ADAMTSL1: variants seen among roughly 807,000 people sequenced by gnomAD.
The protein encoded by ADAMTSL1 is ADAMTS-like protein 1.
In ADAMTSL1, 126 loss-of-function variants were observed where a neutral mutation model predicts 201.8. That is an observed-to-expected ratio of 0.62 (90% confidence interval 0.54 to 0.72). ADAMTSL1 has a LOEUF of 0.72. Ranked by LOEUF, ADAMTSL1 falls within the 30% of genes least tolerant of loss-of-function variation. ADAMTSL1 has a pLI of 0.00. For synonymous variants in ADAMTSL1, 1,121 were observed against 903.4 expected (o/e 1.24, Z -4.32); for missense variants, 2,679 against 2,277.8 (o/e 1.18, Z -3.59).
In ADAMTSL1 at chr9:18,773,594, C is replaced by T. The variant is rs149783001; in HGVS notation, c.2398-2149C>T. Among the ~76,000 whole-genome samples, 1,130 of 152,298 alleles carry T rather than the reference C, an allele frequency of 7.4e-3. 14 individuals are homozygous for T. Among genetic ancestry groups the T allele is most frequent in the South Asian group, 0.041 (200 of 4,822 alleles). On this transcript the variant is annotated intron_variant, in intron 17 of 28. Transcript: ENST00000380548. ...TTGAGTAGGGGTCTCAGATCTCCAA[C>T]GGCTGGGTCTCCTCATCACCTGAGA... is the stretch of plus-strand genomic sequence containing the variant.
intron 1 of ADAMTSL1, among the ~76,000 whole-genome samples, chr9:18,107,898 C>T (rs1412551471): frequency 2.0e-5 from 3 of 152,092 alleles, no homozygotes; most frequent in Non-Finnish European, 2.9e-5. Context: ...TCAGAGCCAC[C>T]GTGCTGAGCC....
chr9:18,846,880 A>G (rs908173031), intron 23 of ADAMTSL1, among the ~76,000 whole-genome samples: 2 of 152,252 alleles, frequency 1.3e-5, no homozygotes, highest in African/African-American at 2.4e-5. Flanking sequence ...CAAAGACATC[A>G]GATTTGGGGG....
chr9:18,433,706 A>T (rs1373968405), intron 2 of ADAMTSL1, among the ~76,000 whole-genome samples: 1 of 152,282 alleles, frequency 6.6e-6, no homozygotes, highest in African/African-American at 2.4e-5. Context: ...TATTCACTCA[A>T]AGCTAATTAA....
chr9:18,133,525 C>T lies in ADAMTSL1; in HGVS notation c.88-30337C>T, dbSNP rs184526147. On this transcript the variant is annotated intron_variant, in intron 1 of 29. Transcript: ENST00000680146. ...AACTAGTGATTTTCAGTCCTGGCTG[C>T]ACATTTAGAACACGTTAAATCAGTA... Among the ~76,000 whole-genome samples, 3 of 152,256 alleles carry T rather than the reference C, an allele frequency of 2.0e-5. No individual in the cohort carries two copies. The East Asian group carries it at 5.8e-4, about 29-fold the overall frequency.
intron 2 of ADAMTSL1, among the ~76,000 whole-genome samples, chr9:18,369,218 G>A (rs10733351): frequency 0.37 from 56,859 of 152,022 alleles, 11,475 homozygotes; most frequent in South Asian, 0.62. Flanking sequence ...TTCTTTAGTT[G>A]AACTCACAAC....
intron 23 of ADAMTSL1, among the ~76,000 whole-genome samples, chr9:18,839,556 G>C (rs1825576667): frequency 6.6e-6 from 1 of 152,122 alleles, no homozygotes; most frequent in Non-Finnish European, 1.5e-5. Context: ...CCCAGTAATG[G>C]GATGGCTGGG....
intron 1 of ADAMTSL1, among the ~76,000 whole-genome samples, chr9:18,085,619 GTATA>G (rs1823730472): frequency 7.0e-6 from 1 of 143,790 alleles, no homozygotes; most frequent in South Asian, 2.2e-4. Context: ...GTGTGTATAC[GTATA>G]TACACTGTGT....
intron 2 of ADAMTSL1, among the ~76,000 whole-genome samples, chr9:18,207,856 G>C (rs557908791): frequency 6.6e-6 from 1 of 151,942 alleles, no homozygotes; most frequent in East Asian, 2.0e-4. Context: ...TTAGTCCTAA[G>C]AGGATATAAA....
At chr9:18,138,891 C>T (rs962296083) in intron 1 of ADAMTSL1, among the ~76,000 whole-genome samples, 1 of 151,926 alleles carries the variant, frequency 6.6e-6, no homozygotes, top group African/African-American at 2.4e-5. Context: ...TCTTGCATGC[C>T]CTCATGAGTT....
chr9:18,120,904 C>T (rs1825467503), intron 1 of ADAMTSL1, among the ~76,000 whole-genome samples: 2 of 152,244 alleles, frequency 1.3e-5, no homozygotes, highest in East Asian at 1.9e-4. Context: ...ATCTCTCTAT[C>T]CACTCCCTTC....
At chr9:18,701,736 G>T (rs1372738557) in intron 13 of ADAMTSL1, among the ~76,000 whole-genome samples, 1 of 152,030 alleles carries the variant, frequency 6.6e-6, no homozygotes, top group Admixed American at 6.5e-5. Flanking sequence ...GTTTCAATTT[G>T]CATTTTTAAA....
At chr9:18,074,313 G>A (rs10738496) in intron 1 of ADAMTSL1, among the ~76,000 whole-genome samples, 85,562 of 151,914 alleles carry the variant, frequency 0.56, 24,242 homozygotes, top group Non-Finnish European at 0.59. Flanking sequence ...TCTGTATGCT[G>A]CCAAAAGATG....
intron 2 of ADAMTSL1, among the ~76,000 whole-genome samples, chr9:18,206,992 C>A (rs1358656305): frequency 6.6e-6 from 1 of 151,944 alleles, no homozygotes; most frequent in Non-Finnish European, 1.5e-5. Flanking sequence ...TGGTGAAACC[C>A]CGTCTCTACT....
chr9:18,281,483 A>G (rs943734059), intron 2 of ADAMTSL1, among the ~76,000 whole-genome samples: 1 of 152,190 alleles, frequency 6.6e-6, no homozygotes, highest in Admixed American at 6.5e-5. Context: ...GGTACAGTCT[A>G]GGACTCTAGC....
intron 23 of ADAMTSL1, among the ~76,000 whole-genome samples, chr9:18,866,719 G>C (rs1482624428): frequency 6.6e-6 from 1 of 152,172 alleles, no homozygotes; most frequent in Non-Finnish European, 1.5e-5. Flanking sequence ...TATACATTCA[G>C]CAACTTTTAA....
intron 2 of ADAMTSL1, among the ~76,000 whole-genome samples, chr9:18,425,612 C>T (rs1352110066): frequency 1.3e-5 from 2 of 151,940 alleles, no homozygotes; most frequent in African/African-American, 4.8e-5. Flanking sequence ...CTACTCTGCT[C>T]AGGAGGCTGA....
chr9:18,846,231 G>A (rs7869531), intron 23 of ADAMTSL1, among the ~76,000 whole-genome samples: 15,037 of 152,142 alleles, frequency 0.099, 1,005 homozygotes, highest in East Asian at 0.29. Context: ...ATTCCAGTGG[G>A]GGCACTTAGA....
At chr9:18,866,310 C>T (rs1827538971) in intron 23 of ADAMTSL1, among the ~76,000 whole-genome samples, 1 of 152,014 alleles carries the variant, frequency 6.6e-6, no homozygotes, top group Non-Finnish European at 1.5e-5. Context: ...CCATAGAGAG[C>T]ACTGTGTACA....
chr9:18,412,799 A>C (rs1160578098), intron 2 of ADAMTSL1, among the ~76,000 whole-genome samples: 1 of 152,200 alleles, frequency 6.6e-6, no homozygotes, highest in African/African-American at 2.4e-5. Flanking sequence ...TTTCTGGAAC[A>C]ACAAGATGTT....
Sources: gnomAD v4.1 joint callset for allele counts (sites outside exome capture counted in the v4.1 genomes callset) on GRCh38, gnomAD v4.1.1 for gene constraint, MANE v1.5 for transcripts, NCBI Gene and HGNC (gene_info 2026-07-23, HGNC 2026-07-21) for gene names.